ITGAE: variants seen among roughly 807,000 people sequenced by gnomAD.
The protein encoded by ITGAE is integrin subunit alpha E.
In ITGAE, 99 loss-of-function variants were observed where a neutral mutation model predicts 136.5. The ratio of observed to expected loss-of-function variants is 0.73; its 90% confidence interval spans 0.62 to 0.86. ITGAE has a LOEUF of 0.86. ITGAE is among the 40% of genes least tolerant of loss of function. ITGAE has a pLI of 0.00. For missense variants in ITGAE, 1,447 were observed against 1,515.3 expected, an observed-to-expected ratio of 0.95 and a Z score of 0.75; for synonymous variants, 613 against 591.8, an observed-to-expected ratio of 1.04 and a Z score of -0.52.
intron 16 of ITGAE, among the ~76,000 whole-genome samples, chr17:3,748,655 G>A (rs2143018072): frequency 6.6e-6 from 1 of 152,322 alleles, no homozygotes; most frequent in African/African-American, 2.4e-5. Context: ...CAGATGGCGT[G>A]GCTGATGAGG....
chr17:3,722,168 G>C (rs1597294813), intron 28 of ITGAE, among the ~76,000 whole-genome samples: 1 of 149,112 alleles, frequency 6.7e-6, no homozygotes, highest in African/African-American at 2.5e-5. Flanking sequence ...ACTCCGTCTT[G>C]AAAGAAAGAA....
At chr17:3,740,620 C>G (rs761497581) in intron 19 of ITGAE, among the ~76,000 whole-genome samples, 2 of 152,260 alleles carry the variant, frequency 1.3e-5, no homozygotes, top group Non-Finnish European at 2.9e-5. Context: ...AGGTCATCCA[C>G]CCACCTTGGC....
rs540164716 is a variant in ITGAE at position 3,720,018 on chromosome 17, C to T, written c.3333+289G>A. 5.3e-5 allele frequency among the ~76,000 whole-genome samples: 8 copies of T among 152,196 alleles called. No individual in the cohort carries two copies. The South Asian group carries it at 1.0e-3, about 20-fold the overall frequency. On this transcript the variant is annotated intron_variant, in intron 29 of 30. Coordinates refer to ENST00000263087, the MANE Select transcript of ITGAE (RefSeq NM_002208.5). Reference sequence around the variant, plus strand: ...TAGGATTACAGGCGTGAGCCACCTGCGCCCAGCTGCGAAATTTTTTTTTTT... The same window carrying T: ...TAGGATTACAGGCGTGAGCCACCTGTGCCCAGCTGCGAAATTTTTTTTTTT...
In ITGAE at chr17:3,741,101, G is replaced by A. The variant is rs1037341924; in HGVS notation, c.2449-1223C>T. Among the ~76,000 whole-genome samples, 14 of 123,058 alleles carry A rather than the reference G, an allele frequency of 1.1e-4. No individual in the cohort carries two copies. The South Asian group carries it at 1.8e-3, about 16-fold the overall frequency. The allele number at this position is 123,058 out of a possible 152,430, so 80.7% of individuals were successfully genotyped here. ...TTTTTTTTTTTTTTTTTTTTGAGAC[G>A]GAGTCTCGCTCTGTCGCCCAGGCTG... On this transcript the variant is annotated intron_variant, in intron 19 of 30. Coordinates refer to ENST00000263087, the MANE Select transcript of ITGAE (RefSeq NM_002208.5).
chr17:3,782,215 C>A (rs1194051346), intron 1 of ITGAE, among the ~76,000 whole-genome samples: 1 of 125,976 alleles, frequency 7.9e-6, no homozygotes, highest in African/African-American at 3.0e-5. Flanking sequence ...GCACAGGTTG[C>A]GGTGAACTGA....
In ITGAE at chr17:3,747,937, T is replaced by A; in HGVS notation, c.2140A>T (p.Thr714Ser). 1.9e-6 allele frequency: 3 copies of A among 1,574,290 alleles called. 1 individual carries two copies. Among genetic ancestry groups the A allele is most frequent in the Non-Finnish European group, 2.6e-6 (3 of 1,154,726 alleles). Reference sequence around the variant, plus strand: ...ATTTTTTTACCTGACTCAGAGGCTGTGGTTACAGAGCTGATTTCAAAACAT... The same window carrying A: ...ATTTTTTTACCTGACTCAGAGGCTGAGGTTACAGAGCTGATTTCAAAACAT... ...RLCFEISSVT[T>S]ASESGLREAL... The change falls in exon 17 of 31, where the codon ACA (threonine) becomes TCA (serine). Residue 714 changes from threonine to serine, a missense_variant. This residue lies in a region of ITGAE where 1,031 missense variants were observed against 1,011.4 expected (regional missense o/e 1.02). Transcript: ENST00000263087.
chr17:3,777,624 G>A lies in ITGAE; in HGVS notation c.71C>T (p.Ala24Val). The change falls in exon 2 of 31, where the codon GCC becomes GTC. Residue 24 changes from alanine to valine, a missense_variant. Physicochemically the swap from Ala to Val is moderately conservative, Grantham distance 64. Transcript: ENST00000263087. Reference protein sequence around the residue: ...ALLAAFNVDVARPWLTPKGGA... With the variant: ...ALLAAFNVDVVRPWLTPKGGA... The stretch of plus-strand genomic sequence containing the variant: ...TCCCTTGGGCGTGAGCCAGGGCCGG[G>A]CCACATCCACATTGAAAGCGGCCAG... 1 of 1,613,904 alleles carries A rather than the reference G, an allele frequency of 6.2e-7. No homozygotes were observed. Among genetic ancestry groups the A allele is most frequent in the Non-Finnish European group, 8.5e-7 (1 of 1,179,912 alleles).
At chr17:3,796,192 T>TGTGTGTGTGTGTGTGTGG (rs1016303323) in intron 1 of ITGAE, among the ~76,000 whole-genome samples, 2 of 148,596 alleles carry the variant, frequency 1.3e-5, no homozygotes, top group African/African-American at 5.2e-5. Context: ...TGTGTGTGTG[T>TGTGTGTGTGTGTGTGTGG]GGTGGGGTAG....
chr17:3,753,186 C>T, intron 14 of ITGAE, 104 bp downstream of exon 14: 16 of 1,307,592 alleles, frequency 1.2e-5, no homozygotes, highest in Non-Finnish European at 1.7e-5. Flanking sequence ...CCATCACTGC[C>T]CACTGGTGCC....
At chr17:3,715,053 T>C (rs970446627) in intron 30 of ITGAE, 111 bp from the exon 31 acceptor site, 4 of 645,482 alleles carry the variant, frequency 6.2e-6, no homozygotes, top group African/African-American at 5.4e-5. Flanking sequence ...CTGCTTCTCA[T>C]ACTTACTACT....
chr17:3,740,759 A>G (rs1418862208), intron 19 of ITGAE, among the ~76,000 whole-genome samples: 1 of 152,220 alleles, frequency 6.6e-6, no homozygotes, highest in Non-Finnish European at 1.5e-5. Flanking sequence ...AAAAGGCCCC[A>G]TGGAGGTTGA....
chr17:3,749,085 A>G (rs1040985804), intron 16 of ITGAE, among the ~76,000 whole-genome samples: 4 of 151,858 alleles, frequency 2.6e-5, no homozygotes, highest in African/African-American at 9.7e-5. Flanking sequence ...GGCAGAGCCA[A>G]CTAAGACTTG....
intron 13 of ITGAE, 136 bp from the exon 14 acceptor site, chr17:3,753,566 G>A: frequency 8.3e-7 from 1 of 1,210,776 alleles, no homozygotes; most frequent in Admixed American, 2.3e-5. Flanking sequence ...GAGAGTAACA[G>A]AAGAGTGGAG....
intron 21 of ITGAE, among the ~76,000 whole-genome samples, chr17:3,734,275 G>A (rs559700108): frequency 2.8e-4 from 43 of 152,042 alleles, no homozygotes; most frequent in Non-Finnish European, 4.9e-4. Context: ...GGGTTTCACC[G>A]TGTTAGCCAG....
intron 28 of ITGAE, among the ~76,000 whole-genome samples, chr17:3,722,107 A>G (rs1410212954): frequency 6.6e-6 from 1 of 151,918 alleles, no homozygotes; most frequent in Non-Finnish European, 1.5e-5. Flanking sequence ...TGAACCCGGG[A>G]GGCGGAGGTT....
chr17:3,797,423 C>T (rs1297262907), intron 1 of ITGAE, among the ~76,000 whole-genome samples: 3 of 149,402 alleles, frequency 2.0e-5, no homozygotes, highest in Non-Finnish European at 4.4e-5. Context: ...CCTTGGCCTC[C>T]TAAAGTGCTG....
At chr17:3,752,979 C>T (rs1208884506) in intron 14 of ITGAE, among the ~76,000 whole-genome samples, 2 of 152,244 alleles carry the variant, frequency 1.3e-5, no homozygotes, top group African/African-American at 2.4e-5. Flanking sequence ...ACCCCGGAGG[C>T]AGAGGTTGCG....
intron 8 of ITGAE, among the ~76,000 whole-genome samples, chr17:3,758,768 A>G (rs2052089628): frequency 6.6e-6 from 1 of 151,540 alleles, no homozygotes; most frequent in African/African-American, 2.4e-5. Flanking sequence ...TCTCATTTTT[A>G]AAGTGAGGAA....
At chr17:3,769,884 G>A (rs1385210096) in intron 2 of ITGAE, among the ~76,000 whole-genome samples, 1 of 151,972 alleles carries the variant, frequency 6.6e-6, no homozygotes, top group African/African-American at 2.4e-5. Flanking sequence ...TTAGAGATGG[G>A]GTTTCACCAT....
Sources: gnomAD v4.1 joint callset for allele counts (sites outside exome capture counted in the v4.1 genomes callset) on GRCh38, gnomAD v4.1.1 for gene constraint, gnomAD v4.1.1 regional missense constraint, MANE v1.5 for transcripts, NCBI Gene and HGNC (gene_info 2026-07-23, HGNC 2026-07-21) for gene names.